Variants in RBCK1 observed in about 807,000 individuals in gnomAD.
RBCK1 encodes the protein RANBP2-type and C3HC4-type zinc finger containing 1.
A neutral mutation model predicts 71.1 loss-of-function variants in RBCK1; 44 were observed. The ratio of observed to expected loss-of-function variants is 0.62; its 90% CI spans 0.49 to 0.80. RBCK1 has a LOEUF of 0.80. Ranked by LOEUF, RBCK1 falls within the 30% of genes least tolerant of loss-of-function variation. The probability of loss-of-function intolerance (pLI) is 0.00; values close to 1 mark genes in which losing one functional copy is unlikely to be tolerated. For synonymous variants in RBCK1, 306 were observed against 279.7 expected, an observed-to-expected ratio of 1.09 and a Z score of -0.94; for missense variants, 569 against 685.0, an observed-to-expected ratio of 0.83 and a Z score of 1.89.
chr20:425,142 C>T (rs571067836), intron 8 of RBCK1, among the ~76,000 whole-genome samples: 1 of 152,250 alleles, frequency 6.6e-6, no homozygotes, highest in African/African-American at 2.4e-5. Context: ...TCCCAAGTAG[C>T]TGGGACTAGA....
At chr20:411,646 C>T (rs560382162) in intron 2 of RBCK1, among the ~76,000 whole-genome samples, 46 of 152,310 alleles carry the variant, frequency 3.0e-4, no homozygotes, top group African/African-American at 8.2e-4. Context: ...GGACTACAGG[C>T]GTGAGCCACC....
At chr20:418,108 C>G (rs1422039096) in intron 4 of RBCK1, among the ~76,000 whole-genome samples, 178 bp downstream of exon 4, 6 of 152,172 alleles carry the variant, frequency 3.9e-5, no homozygotes, top group Admixed American at 1.3e-4. Flanking sequence ...AGGGACCCAT[C>G]ATGAGAACAG....
At chr20:425,007 A>AT (rs111583781) in intron 8 of RBCK1, among the ~76,000 whole-genome samples, 6,048 of 146,102 alleles carry the variant, frequency 0.041, 122 homozygotes, top group African/African-American at 0.06. Context: ...CTCTGGGCAA[A>AT]TTTTTTTTTT....
chr20:408,465 C>G lies in RBCK1; in HGVS notation c.-293C>G, dbSNP rs2015499393. On this transcript the variant is annotated 5_prime_UTR_variant, in exon 1 of 12. Transcript: ENST00000356286. Reference sequence around the variant, plus strand: ...GCTGGGTGGTGTCCGGGCGTCCTTTCCCCGCTTCTTCCCACCTCGGCTGGT... The same window carrying G: ...GCTGGGTGGTGTCCGGGCGTCCTTTGCCCGCTTCTTCCCACCTCGGCTGGT... 3.8e-6 allele frequency: 2 copies of G among 528,396 alleles called. No homozygotes were observed. Among genetic ancestry groups the G allele is most frequent in the Non-Finnish European group, 6.7e-6 (2 of 299,150 alleles). 32.7% of individuals were successfully genotyped at this position (528,396 alleles called of 1,614,324 possible). A position where few individuals can be genotyped will look rare whatever the true frequency, so the allele number is the denominator to read the frequency against.
chr20:415,120 A>G (rs1297635294), intron 2 of RBCK1, among the ~76,000 whole-genome samples: 1 of 152,216 alleles, frequency 6.6e-6, no homozygotes, highest in Non-Finnish European at 1.5e-5. Context: ...TGATGCTTGT[A>G]ATCCTAGCAC....
chr20:415,317 A>G (rs1350317054), intron 2 of RBCK1, among the ~76,000 whole-genome samples: 1 of 152,146 alleles, frequency 6.6e-6, no homozygotes, highest in Non-Finnish European at 1.5e-5. Context: ...GCAGTGAGCC[A>G]AGATCATGCC....
intron 8 of RBCK1, among the ~76,000 whole-genome samples, chr20:425,626 CTTT>C (rs66583727): frequency 7.3e-5 from 9 of 123,268 alleles, no homozygotes; most frequent in Admixed American, 2.5e-4. Context: ...ATGGTGTATT[CTTT>C]TTTTTTTTTT....
At chr20:411,958 C>T (rs1284618297) in intron 2 of RBCK1, among the ~76,000 whole-genome samples, 1 of 152,210 alleles carries the variant, frequency 6.6e-6, no homozygotes, top group Non-Finnish European at 1.5e-5. Flanking sequence ...TTGTGTCCAA[C>T]TTTTTGTGTG....
chr20:421,229 G>A (rs1378319974), intron 7 of RBCK1, among the ~76,000 whole-genome samples, 198 bp downstream of exon 7: 1 of 152,292 alleles, frequency 6.6e-6, no homozygotes, highest in Middle Eastern at 3.4e-3. Flanking sequence ...CCAGGCCCAC[G>A]GCTCATGAGA....
In RBCK1 at chr20:408,612, CGA is replaced by C; in HGVS notation, c.-144_-143del. 1 of 980,680 alleles carries C rather than the reference CGA, an allele frequency of 1.0e-6. No homozygotes were observed. Among genetic ancestry groups the C allele is most frequent in the Non-Finnish European group, 1.6e-6 (1 of 636,938 alleles). The allele number at this position is 980,680 out of a possible 1,614,324, so 60.7% of individuals were successfully genotyped here. On this transcript the variant is annotated 5_prime_UTR_variant, in exon 1 of 12. It introduces an in-frame stop codon into an upstream open reading frame of the 5' UTR. Coordinates refer to ENST00000356286, the MANE Select transcript of RBCK1 (RefSeq NM_031229.4). ...TGCTTCCCGACTGCCGCGGGGACAG[CGA>C]GGCACACACAGGGCTTGGGCCGCGC...
At position 428,750 on chromosome 20, in the gene RBCK1, C is replaced by A; in HGVS notation, c.1308+161C>A. 1 of 1,399,966 alleles carries A rather than the reference C, an allele frequency of 7.1e-7. No individual in the cohort carries two copies. Among genetic ancestry groups the A allele is most frequent in the Non-Finnish European group, 9.4e-7 (1 of 1,058,840 alleles). 86.7% of individuals were successfully genotyped at this position (1,399,966 alleles called of 1,614,324 possible). A position where few individuals can be genotyped will look rare whatever the true frequency, so the allele number is the denominator to read the frequency against. On this transcript the variant is annotated intron_variant, in intron 10 of 11. Coordinates refer to ENST00000356286, the MANE Select transcript of RBCK1 (RefSeq NM_031229.4). The surrounding 1 kb of genome is among the most constrained non-coding windows in gnomAD (Gnocchi z 5.7). ...GGAGGTGGGACTTAGGCCGAATGGT[C>A]ATGTCAGGAAGAGCGTCTGGGTGGA...
rs147165414 is a variant in RBCK1 at position 418,558 on chromosome 20, C to T, written c.460+628C>T. 7.2e-4 allele frequency among the ~76,000 whole-genome samples: 109 copies of T among 152,110 alleles called. 1 individual carries two copies. In the South Asian group the frequency reaches 8.5e-3, roughly 12 times the overall value. On this transcript the variant is annotated intron_variant, in intron 4 of 11. Transcript: ENST00000356286. Reference sequence around the variant, plus strand: ...TAATTTTTTATATTTTTAGTAGAGACGGGGTTTCACCGTGTTAGCCAGGAT... The same window carrying T: ...TAATTTTTTATATTTTTAGTAGAGATGGGGTTTCACCGTGTTAGCCAGGAT...
rs1600301736 is a variant in RBCK1 at position 422,518 on chromosome 20, G to A, written c.1029+280G>A. Among the ~76,000 whole-genome samples the A allele has an allele frequency of 6.6e-6, 1 of 151,752 alleles. No homozygotes were observed. Among genetic ancestry groups the A allele is most frequent in the East Asian group, 1.9e-4 (1 of 5,190 alleles). On this transcript the variant is annotated intron_variant, in intron 8 of 11. Coordinates refer to ENST00000356286, the MANE Select transcript of RBCK1 (RefSeq NM_031229.4). This position sits in a 1 kb window ranked among gnomAD's most constrained non-coding sequence, Gnocchi z 5.0. ...CAAGAAACCACATCTATGAAGGAAG[G>A]ACAGCAGAGTTGTTAAGAATCAGGG...
rs1384444162 is a variant in RBCK1 at position 419,663 on chromosome 20, T to C, written c.688T>C (p.Tyr230His). ...RPEAYQVPAS[Y>H]QPDEEERARL... is the part of the protein sequence containing the mutation. ...CGAGGCCTACCAGGTCCCCGCCTCA[T>C]ACCAGCCCGACGAGGAGGAGCGAGC... is the stretch of plus-strand genomic sequence containing the variant. Residue 230 changes from tyrosine to histidine, a missense_variant, in exon 6 of 12, where the codon TAC becomes CAC. Coordinates refer to ENST00000356286, the MANE Select transcript of RBCK1 (RefSeq NM_031229.4). 6 of 1,583,346 alleles carry C rather than the reference T, an allele frequency of 3.8e-6. No homozygotes were observed. Among genetic ancestry groups the C allele is most frequent in the Non-Finnish European group, 5.1e-6 (6 of 1,167,332 alleles).
In RBCK1 at chr20:419,396, A is replaced by T; in HGVS notation, c.510A>T (p.Pro170=). ...TGCAGCCGCGGGGCCCTCTGGAGCC[A>T]GGCCCCCCAAAGCCCGGGGTCCCCC... ...LTLQPRGPLE[P]GPPKPGVPQE... The change falls in exon 5 of 12, where the codon CCA becomes CCT. Residue 170 remains proline, a synonymous_variant. Transcript: ENST00000356286. 1.2e-6 allele frequency: 2 copies of T among 1,612,256 alleles called. No individual in the cohort carries two copies. Among genetic ancestry groups the T allele is most frequent in the South Asian group, 2.2e-5 (2 of 91,038 alleles).
Position 431,417 on chromosome 20 carries a change from C to T in RBCK1, c.*987C>T, listed in dbSNP as rs575507403. On this transcript the variant is annotated 3_prime_UTR_variant, in exon 12 of 12. Transcript: ENST00000356286. This position sits in a 1 kb window ranked among gnomAD's most constrained non-coding sequence, Gnocchi z 4.8. ...ATCGATTCAGCAGTATTTACTAGAA[C>T]CCACTCTGTGCTGGTCGGAGGTTAC... Among the ~76,000 whole-genome samples, 17 of 152,164 alleles carry T rather than the reference C, an allele frequency of 1.1e-4. No homozygotes were observed. Among genetic ancestry groups the T allele is most frequent in the Non-Finnish European group, 2.4e-4 (16 of 68,022 alleles).
At position 417,785 on chromosome 20, in the gene RBCK1, G is replaced by C. The variant is rs1019084055; in HGVS notation, c.315G>C (p.Gln105His). ...TCTTGCAGCAGTGGGTGATTGGGCA[G>C]CGGCTGGCACGAGACCAGGAGACCC... ...PPVLQQWVIG[Q>H]RLARDQETLH... Residue 105 changes from glutamine (Q) to histidine (H), a missense_variant, in exon 4 of 12, where the codon CAG becomes CAC. Transcript: ENST00000356286. The surrounding 1 kb of genome is among the most constrained non-coding windows in gnomAD (Gnocchi z 4.7). The C allele has an allele frequency of 1.9e-6, 3 of 1,614,102 alleles. No individual in the cohort carries two copies. Among genetic ancestry groups the C allele is most frequent in the Non-Finnish European group, 1.7e-6 (2 of 1,179,986 alleles).
chr20:416,863 G>A (rs2016021956), intron 2 of RBCK1, among the ~76,000 whole-genome samples: 1 of 152,170 alleles, frequency 6.6e-6, no homozygotes, highest in African/African-American at 2.4e-5. Context: ...CAGGCATGGT[G>A]GCATGAGCCT....
At chr20:423,539 A>C (rs952838442) in intron 8 of RBCK1, among the ~76,000 whole-genome samples, 1 of 152,230 alleles carries the variant, frequency 6.6e-6, no homozygotes, top group Admixed American at 6.5e-5. Flanking sequence ...AAATTTAAAA[A>C]ACAATACAGC....
Sources: allele counts gnomAD v4.1 joint callset (sites outside exome capture counted in the v4.1 genomes callset), GRCh38; gene constraint gnomAD v4.1.1; non-coding constraint Gnocchi (gnomAD v3.1); transcripts MANE v1.5; gene names NCBI Gene and HGNC (gene_info 2026-07-23, HGNC 2026-07-21).